The following CDYL2 variants were observed in gnomAD, a reference collection of about 807,000 sequenced individuals.
The protein encoded by CDYL2 is chromodomain Y-like protein 2.
CDYL2 carries 23 observed loss-of-function variants against 49.4 expected under a neutral mutation model. The observed-to-expected ratio is 0.47, with a 90% confidence interval of 0.34 to 0.66. The LOEUF (loss-of-function observed/expected upper bound fraction) is 0.66, where lower values mean the gene tolerates loss of function less well. Among genes scored for constraint, CDYL2 ranks in the 30% least tolerant of loss-of-function variants. The pLI is 0.01. For missense variants in CDYL2, 678 were observed against 656.4 expected, an observed-to-expected ratio of 1.03 and a Z score of -0.36; for synonymous variants, 360 against 268.8, an observed-to-expected ratio of 1.34 and a Z score of -3.32.
chr16:80,711,959 A>G (rs1279365476), intron 1 of CDYL2, among the ~76,000 whole-genome samples: 1 of 151,464 alleles, frequency 6.6e-6, no homozygotes, highest in Admixed American at 6.6e-5. Context: ...ATGTGTGTGT[A>G]TATATATGTG....
At chr16:80,698,683 A>G (rs773456396) in intron 1 of CDYL2, among the ~76,000 whole-genome samples, 52 of 152,130 alleles carry the variant, frequency 3.4e-4, no homozygotes, top group Non-Finnish European at 6.0e-4. Context: ...AGTATGTAGC[A>G]TCTCTCCTCC....
chr16:80,638,003 T>C lies in CDYL2; in HGVS notation c.617-4767A>G, dbSNP rs547692923. 3.7e-4 allele frequency among the ~76,000 whole-genome samples: 57 copies of C among 152,226 alleles called. No individual in the cohort carries two copies. The South Asian group carries it at 0.011, about 30-fold the overall frequency. On this transcript the variant is annotated intron_variant, in intron 2 of 6. Coordinates refer to ENST00000570137, the MANE Select transcript of CDYL2 (RefSeq NM_152342.4). ...ATGTATAAGAGCCATATGTGAAAAA[T>C]TGTAAAATTCTGATGAAACAAAGAA... is the stretch of plus-strand genomic sequence containing the variant.
At chr16:80,659,792 T>C (rs1450114487) in intron 2 of CDYL2, among the ~76,000 whole-genome samples, 1 of 152,094 alleles carries the variant, frequency 6.6e-6, no homozygotes, top group Non-Finnish European at 1.5e-5. Flanking sequence ...ATCAAAGTTC[T>C]ATATAAGGGA....
chr16:80,605,699 GTAATAGTAATACTAA>G (rs1381494425), intron 6 of CDYL2, among the ~76,000 whole-genome samples: 1 of 151,870 alleles, frequency 6.6e-6, no homozygotes, highest in Non-Finnish European at 1.5e-5. Flanking sequence ...ATTCATAACA[GTAATAGTAATACTAA>G]TAATAGTAAT....
intron 6 of CDYL2, among the ~76,000 whole-genome samples, chr16:80,605,063 T>A (rs1185388213): frequency 2.0e-5 from 3 of 150,676 alleles, no homozygotes; most frequent in African/African-American, 7.5e-5. Flanking sequence ...GGCTATCACC[T>A]TCATAATCAT....
chr16:80,740,358 A>G (rs1043253692), intron 1 of CDYL2, among the ~76,000 whole-genome samples: 16 of 152,226 alleles, frequency 1.1e-4, no homozygotes, highest in African/African-American at 3.6e-4. Context: ...ACAGCCAGAC[A>G]TATGAACAGA....
chr16:80,628,651 A>T (rs952297434), intron 3 of CDYL2, among the ~76,000 whole-genome samples: 2 of 149,146 alleles, frequency 1.3e-5, no homozygotes, highest in African/African-American at 5.2e-5. Context: ...TTAAAATGCT[A>T]AGTTTAAAAC....
At chr16:80,678,438 A>G (rs1241093222) in intron 2 of CDYL2, among the ~76,000 whole-genome samples, 1 of 152,192 alleles carries the variant, frequency 6.6e-6, no homozygotes, top group African/African-American at 2.4e-5. Context: ...AACCCCATCA[A>G]AAAGTGGGCG....
chr16:80,668,639 T>C (rs1243040013), intron 2 of CDYL2, among the ~76,000 whole-genome samples: 1 of 152,076 alleles, frequency 6.6e-6, no homozygotes, highest in African/African-American at 2.4e-5. Flanking sequence ...AAAATGCTTA[T>C]ATTTTCCCCA....
At chr16:80,604,611 T>A (rs1433205402) in intron 6 of CDYL2, 65 bp from the exon 7 acceptor site, 2 of 1,574,316 alleles carry the variant, frequency 1.3e-6, no homozygotes, top group Non-Finnish European at 1.7e-6. Flanking sequence ...ACTAGGTACC[T>A]GGCCCATGGG....
Position 80,599,676 on chromosome 16 carries a change from C to A in CDYL2, c.*4712G>T, listed in dbSNP as rs531262044. On this transcript the variant is annotated 3_prime_UTR_variant, in exon 7 of 7. Transcript: ENST00000570137. ...GTTAACATCTCTCAGGGAGTGCTGACCTTACCCAGAATGGACGTTTCCAAG... is the reference window on the plus strand; with the variant it reads ...GTTAACATCTCTCAGGGAGTGCTGAACTTACCCAGAATGGACGTTTCCAAG... 1 of 152,288 alleles carries A rather than the reference C, an allele frequency of 6.6e-6. No homozygotes were observed. Among genetic ancestry groups the A allele is most frequent in the East Asian group, 1.9e-4 (1 of 5,186 alleles). The allele number at this position is 152,288 out of a possible 1,614,324, so 9.4% of individuals were successfully genotyped here.
intron 2 of CDYL2, among the ~76,000 whole-genome samples, chr16:80,673,500 T>C (rs189470856): frequency 6.6e-6 from 1 of 152,328 alleles, no homozygotes; most frequent in East Asian, 1.9e-4. Context: ...AGCATTGAAA[T>C]AAGCTTTGAC....
In CDYL2 at chr16:80,804,492, C is replaced by G. The variant is rs1908038900; in HGVS notation, c.-319G>C. ...CGCGGCCCGAGCGCCGCGGCCCCCG[C>G]GACCCGGCGACCCGGCGGCGGTGGC... On this transcript the variant is annotated 5_prime_UTR_variant, in exon 1 of 7. Coordinates refer to ENST00000570137, the MANE Select transcript of CDYL2 (RefSeq NM_152342.4). 6.9e-6 allele frequency among the ~76,000 whole-genome samples: 1 copy of G among 144,418 alleles called. No homozygotes were observed. Among genetic ancestry groups the G allele is most frequent in the South Asian group, 2.1e-4 (1 of 4,746 alleles). 94.7% of individuals were successfully genotyped at this position (144,418 alleles called of 152,430 possible).
In CDYL2 at chr16:80,598,200, C is replaced by T. The variant is rs1905921242; in HGVS notation, c.*6188G>A. 6.6e-6 allele frequency: 1 copy of T among 151,666 alleles called. No individual in the cohort carries two copies. The highest frequency in any genetic ancestry group is 6.6e-5 in the Admixed American group (1 of 15,170). The allele number at this position is 151,666 out of a possible 1,614,324, so 9.4% of individuals were successfully genotyped here. On this transcript the variant is annotated 3_prime_UTR_variant, in exon 7 of 7. Coordinates refer to ENST00000570137, the MANE Select transcript of CDYL2 (RefSeq NM_152342.4). ...TACTCAGACTTACAAATATTCAGAA[C>T]TAGTTAAAGACTCTCCCATGATAAT...
intron 2 of CDYL2, among the ~76,000 whole-genome samples, chr16:80,633,626 A>T (rs74028361): frequency 0.059 from 8,924 of 152,142 alleles, 797 homozygotes; most frequent in African/African-American, 0.2. Context: ...CTAACCTTTA[A>T]CCAACCCGTA....
intron 1 of CDYL2, among the ~76,000 whole-genome samples, chr16:80,741,615 G>T (rs968964868): frequency 6.6e-6 from 1 of 151,918 alleles, no homozygotes; most frequent in Non-Finnish European, 1.5e-5. Flanking sequence ...GGTAATAGAT[G>T]ATATCTAAAT....
At chr16:80,792,326 G>C (rs956049682) in intron 1 of CDYL2, among the ~76,000 whole-genome samples, 8 of 152,148 alleles carry the variant, frequency 5.3e-5, no homozygotes, top group African/African-American at 1.7e-4. Flanking sequence ...CAGGCAGCAG[G>C]AGATGAGGAC....
At chr16:80,652,486 T>A (rs765809685) in intron 2 of CDYL2, among the ~76,000 whole-genome samples, 2 of 152,230 alleles carry the variant, frequency 1.3e-5, no homozygotes, top group Non-Finnish European at 2.9e-5. Context: ...AAATCTTCCA[T>A]GCAGAAGAAT....
chr16:80,665,269 C>G (rs1021730807), intron 2 of CDYL2, among the ~76,000 whole-genome samples: 3 of 152,098 alleles, frequency 2.0e-5, no homozygotes, highest in African/African-American at 4.8e-5. Context: ...TCTATAATCT[C>G]CTTGCTTCGG....
Sources: gnomAD v4.1 joint callset for allele counts (sites outside exome capture counted in the v4.1 genomes callset) on GRCh38, gnomAD v4.1.1 for gene constraint, MANE v1.5 for transcripts, NCBI Gene and HGNC (gene_info 2026-07-23, HGNC 2026-07-21) for gene names.